The following KCNC2 variants were observed in gnomAD, a reference collection of about 807,000 sequenced individuals.
The protein encoded by KCNC2 is voltage-gated potassium channel KCNC2.
A neutral mutation model predicts 44.5 loss-of-function variants in KCNC2; 21 were observed. The ratio of observed to expected loss-of-function variants is 0.47; its 90% confidence interval spans 0.33 to 0.68. The LOEUF (loss-of-function observed/expected upper bound fraction) is 0.68, where lower values mean the gene tolerates loss of function less well. KCNC2 is among the 30% of genes least tolerant of loss of function. The probability of loss-of-function intolerance (pLI) is 0.01; values close to 1 mark genes in which losing one functional copy is unlikely to be tolerated. For missense variants in KCNC2, 589 were observed against 826.2 expected, an observed-to-expected ratio of 0.71 and a Z score of 3.52; for synonymous variants, 391 against 339.1, an observed-to-expected ratio of 1.15 and a Z score of -1.68.
Position 75,207,808 on chromosome 12 carries a change from G to A in KCNC2, c.176C>T (p.Pro59Leu). 1.2e-6 allele frequency: 2 copies of A among 1,601,652 alleles called. No individual in the cohort carries two copies. Among genetic ancestry groups the A allele is most frequent in the African/African-American group, 1.3e-5 (1 of 74,146 alleles). ...CGCTCTCGGCGGCGGCGACAGTGGA[G>A]GCGGCGACGGCTGCAGCTTGTCGCC... ...TAGDKLQPSP[P>L]PLSPPPRAPP... Residue 59 changes from proline to leucine, a missense_variant, in exon 2 of 5, where the codon CCT becomes CTT. Coordinates refer to ENST00000549446, the MANE Select transcript of KCNC2 (RefSeq NM_139137.4). This position sits in a 1 kb window ranked among gnomAD's most constrained non-coding sequence, Gnocchi z 4.1.
chr12:75,043,718 A>C, intron 4 of KCNC2: 1 of 1,425,836 alleles, frequency 7.0e-7, no homozygotes, highest in Non-Finnish European at 9.2e-7. Context: ...AGCATATTTA[A>C]TCTTCCAGCT....
At chr12:75,149,848 C>G (rs557212428) in intron 2 of KCNC2, among the ~76,000 whole-genome samples, 1 of 151,776 alleles carries the variant, frequency 6.6e-6, no homozygotes, top group African/African-American at 2.4e-5. Flanking sequence ...AAATCTTGGG[C>G]ACTTAGCTAA....
chr12:75,184,519 T>G (rs1357944509), intron 2 of KCNC2, among the ~76,000 whole-genome samples: 1 of 152,160 alleles, frequency 6.6e-6, no homozygotes, highest in East Asian at 1.9e-4. Context: ...CCTTACTACA[T>G]CTCCCTTTTC....
intron 2 of KCNC2, among the ~76,000 whole-genome samples, chr12:75,115,815 A>T (rs1209319622): frequency 6.6e-6 from 1 of 152,126 alleles, no homozygotes; most frequent in Non-Finnish European, 1.5e-5. Context: ...AATTATTAAG[A>T]ATGAGAGCTC....
intron 2 of KCNC2, among the ~76,000 whole-genome samples, chr12:75,111,038 T>C (rs1377049289): frequency 1.3e-5 from 2 of 152,156 alleles, no homozygotes; most frequent in East Asian, 1.9e-4. Context: ...AATATGTCCA[T>C]GAAATCCATT....
chr12:75,110,182 G>C (rs1176187092), intron 2 of KCNC2, among the ~76,000 whole-genome samples: 1 of 152,000 alleles, frequency 6.6e-6, no homozygotes, highest in Non-Finnish European at 1.5e-5. Context: ...CAGATTGAAA[G>C]GGTTCACCAT....
At chr12:75,108,747 G>T (rs1229753357) in intron 2 of KCNC2, among the ~76,000 whole-genome samples, 4 of 152,090 alleles carry the variant, frequency 2.6e-5, no homozygotes, top group African/African-American at 9.7e-5. Flanking sequence ...CATGAATCCC[G>T]TGTGGTAGTT....
chr12:75,100,681 T>C (rs115427256), intron 2 of KCNC2, among the ~76,000 whole-genome samples: 5,121 of 152,118 alleles, frequency 0.034, 287 homozygotes, highest in African/African-American at 0.12. Flanking sequence ...ATGTAACTTA[T>C]TAGTGAGAAC....
chr12:75,150,749 A>G (rs907346876), intron 2 of KCNC2, among the ~76,000 whole-genome samples: 1 of 151,900 alleles, frequency 6.6e-6, no homozygotes, highest in African/African-American at 2.4e-5. Flanking sequence ...CAAATATGGC[A>G]ATATTTCACA....
chr12:75,182,529 A>C lies in KCNC2; in HGVS notation c.687+24768T>G, dbSNP rs530474425. Reference sequence around the variant, plus strand: ...GAGCGAGATTCCGTCTCAAAAAAAAAAAAAAAAACAAAAAAAACAAAAAAA... The same window carrying C: ...GAGCGAGATTCCGTCTCAAAAAAAACAAAAAAAACAAAAAAAACAAAAAAA... On this transcript the variant is annotated intron_variant, in intron 2 of 4. Transcript: ENST00000549446. Among the ~76,000 whole-genome samples the C allele has an allele frequency of 8.3e-3, 1,143 of 138,446 alleles. 6 individuals are homozygous for C. The highest frequency in any genetic ancestry group is 0.011 in the African/African-American group (443 of 39,258). 90.8% of individuals were successfully genotyped at this position (138,446 alleles called of 152,430 possible).
intron 2 of KCNC2, among the ~76,000 whole-genome samples, chr12:75,204,073 A>G (rs934629108): frequency 6.6e-6 from 1 of 151,946 alleles, no homozygotes; most frequent in African/African-American, 2.4e-5. Flanking sequence ...ACTCACTAGC[A>G]TCAACAAAAT....
In KCNC2 at chr12:75,050,524, T is replaced by C. The variant is rs1881059550; in HGVS notation, c.1481A>G (p.Lys494Arg). The C allele has an allele frequency of 6.2e-7, 1 of 1,613,676 alleles. No homozygotes were observed. Among genetic ancestry groups the C allele is most frequent in the Non-Finnish European group, 8.5e-7 (1 of 1,179,830 alleles). ...CTGAGGAGCAGGAGGGATGTGCTTC[T>C]TTCTTTTCCTTGGAAGTTTCTGCTT... ...MAKQKLPRKR[K>R]KHIPPAPQAS... The change falls in exon 3 of 5, where the codon AAG (lysine) becomes AGG (arginine). Residue 494 changes from lysine (K) to arginine (R), a missense_variant. Coordinates refer to ENST00000549446, the MANE Select transcript of KCNC2 (RefSeq NM_139137.4).
intron 4 of KCNC2, among the ~76,000 whole-genome samples, chr12:75,047,266 T>TAAA (rs1880634156): frequency 6.6e-6 from 1 of 151,928 alleles, no homozygotes; most frequent in African/African-American, 2.4e-5. Flanking sequence ...GAGACTATTT[T>TAAA]TAAAGGGGAG....
chr12:75,152,406 G>T (rs1327487949), intron 2 of KCNC2, among the ~76,000 whole-genome samples: 1 of 151,720 alleles, frequency 6.6e-6, no homozygotes, highest in East Asian at 1.9e-4. Flanking sequence ...TGGTTCCCTT[G>T]GTTTACTGAG....
At chr12:75,083,899 A>G (rs547072394) in intron 2 of KCNC2, among the ~76,000 whole-genome samples, 1 of 152,000 alleles carries the variant, frequency 6.6e-6, no homozygotes, top group African/African-American at 2.4e-5. Flanking sequence ...GTAAAAGAAA[A>G]TAACTTTCAA....
At chr12:75,076,439 A>G (rs1565833217) in intron 2 of KCNC2, among the ~76,000 whole-genome samples, 1 of 151,752 alleles carries the variant, frequency 6.6e-6, no homozygotes, top group African/African-American at 2.4e-5. Flanking sequence ...CGCCCGGCTA[A>G]TTTTTTTTAT....
intron 2 of KCNC2, among the ~76,000 whole-genome samples, chr12:75,163,606 C>T (rs946177779): frequency 3.3e-5 from 5 of 151,628 alleles, no homozygotes; most frequent in African/African-American, 7.3e-5. Context: ...ATATAAAAAA[C>T]GTAAAAAATA....
intron 2 of KCNC2, among the ~76,000 whole-genome samples, chr12:75,067,106 G>T (rs1207703715): frequency 1.3e-5 from 2 of 152,166 alleles, no homozygotes; most frequent in Non-Finnish European, 2.9e-5. Flanking sequence ...GGAGGCAGAA[G>T]TGGGAGGATC....
intron 2 of KCNC2, among the ~76,000 whole-genome samples, chr12:75,170,716 G>A (rs1891756505): frequency 6.8e-6 from 1 of 146,942 alleles, no homozygotes; most frequent in Non-Finnish European, 1.5e-5. Flanking sequence ...TTTCCAGGAA[G>A]AGAGTTCTCA....
Sources: gnomAD v4.1 joint callset for allele counts (sites outside exome capture counted in the v4.1 genomes callset) on GRCh38, gnomAD v4.1.1 for gene constraint, Gnocchi (gnomAD v3.1) non-coding constraint, MANE v1.5 for transcripts, NCBI Gene and HGNC (gene_info 2026-07-23, HGNC 2026-07-21) for gene names.